The following PARG variants were observed in gnomAD, a reference collection of about 807,000 sequenced individuals.
The protein encoded by PARG is mitochondrial poly(ADP-ribose) glycohydrolase.
A neutral mutation model predicts 113.0 loss-of-function variants in PARG; 35 were observed. That is an observed-to-expected ratio of 0.31 (90% CI 0.24 to 0.41). The LOEUF (loss-of-function observed/expected upper bound fraction) is 0.41, where lower values mean the gene tolerates loss of function less well. PARG is among the 10% of genes least tolerant of loss of function. The probability of loss-of-function intolerance (pLI) is 1.00; values close to 1 mark genes in which losing one functional copy is unlikely to be tolerated. For missense variants in PARG, 797 were observed against 1,169.4 expected, an observed-to-expected ratio of 0.68 and a Z score of 4.64; for synonymous variants, 330 against 409.9, an observed-to-expected ratio of 0.81 and a Z score of 2.36.
rs531341212 is a variant in PARG, at chr10:49,904,816, T to C, written c.1737+11101A>G. Among the ~76,000 whole-genome samples, 10 of 152,202 alleles carry C rather than the reference T, an allele frequency of 6.6e-5. No individual in the cohort carries two copies. In the South Asian group the frequency reaches 1.7e-3, roughly 25 times the overall value. ...CTGTAATCCCAGCTACTCAGGAGGCTGAGGCAGGAGAATCGCTTGAACCCA... is the reference window on the plus strand; with the variant it reads ...CTGTAATCCCAGCTACTCAGGAGGCCGAGGCAGGAGAATCGCTTGAACCCA... On this transcript the variant is annotated intron_variant, in intron 7 of 17. Transcript: ENST00000616448.
chr10:49,834,140 T>C lies in PARG; in HGVS notation c.2542-1232A>G, dbSNP rs140805004. On this transcript the variant is annotated intron_variant, in intron 15 of 17. Coordinates refer to ENST00000616448, the MANE Select transcript of PARG (RefSeq NM_003631.5). Reference sequence around the variant, plus strand: ...CAAATTACCTGCATAGTCAGATGCATGGAGCTTCTGAAAATCTCTTTCAGG... The same window carrying C: ...CAAATTACCTGCATAGTCAGATGCACGGAGCTTCTGAAAATCTCTTTCAGG... 7.2e-4 allele frequency among the ~76,000 whole-genome samples: 110 copies of C among 152,318 alleles called. No individual in the cohort carries two copies. In the Middle Eastern group the frequency reaches 0.017, roughly 24 times the overall value.
At chr10:49,916,069 T>G (rs1837456281) in intron 6 of PARG, 78 bp from the exon 7 acceptor site, 1 of 755,294 alleles carries the variant, frequency 1.3e-6, no homozygotes, top group African/African-American at 1.7e-5. Flanking sequence ...CTCTTATGAA[T>G]TACCTCCAGT....
intron 6 of PARG, among the ~76,000 whole-genome samples, chr10:49,917,709 T>C (rs1234835848): frequency 7.4e-5 from 11 of 148,828 alleles, no homozygotes; most frequent in African/African-American, 2.7e-4. Flanking sequence ...CTCAGCTACA[T>C]GAGGGTGCTG....
At chr10:49,917,148 G>A (rs1554847878) in intron 6 of PARG, among the ~76,000 whole-genome samples, 1 of 152,096 alleles carries the variant, frequency 6.6e-6, no homozygotes, top group Non-Finnish European at 1.5e-5. Flanking sequence ...GAGTGAAAGA[G>A]TCTTTATTTT....
At chr10:49,914,392 A>G (rs1336858856) in intron 7 of PARG, among the ~76,000 whole-genome samples, 11 of 152,238 alleles carry the variant, frequency 7.2e-5, no homozygotes, top group Non-Finnish European at 1.3e-4. Context: ...ATTCAAGGAT[A>G]TCTGAGATAT....
chr10:49,836,542 T>A (rs988594721), intron 15 of PARG, among the ~76,000 whole-genome samples: 1 of 152,142 alleles, frequency 6.6e-6, no homozygotes, highest in Admixed American at 6.5e-5. Flanking sequence ...TCCTGATGTA[T>A]AAAATCCAAG....
At chr10:49,886,987 T>C (rs1847524235) in intron 7 of PARG, among the ~76,000 whole-genome samples, 1 of 152,212 alleles carries the variant, frequency 6.6e-6, no homozygotes, top group African/African-American at 2.4e-5. Flanking sequence ...TGTATGAAAA[T>C]GTATAAAATA....
chr10:49,913,666 G>A (rs1266995887), intron 7 of PARG, among the ~76,000 whole-genome samples: 1 of 152,172 alleles, frequency 6.6e-6, no homozygotes, highest in African/African-American at 2.4e-5. Flanking sequence ...ACTTTGGGAG[G>A]CCGAGTTGGG....
chr10:49,878,133 C>G lies in PARG; in HGVS notation c.1988+1540G>C, dbSNP rs1847035483. Among the ~76,000 whole-genome samples the G allele has an allele frequency of 2.0e-5, 3 of 150,496 alleles. No homozygotes were observed. The South Asian group carries it at 6.5e-4, about 32-fold the overall frequency. ...CTCCCAAAAATGCATGACCTCATTC[C>G]AATCCTGAAAAAACATCAGCCAAAC... On this transcript the variant is annotated intron_variant, in intron 9 of 17. Coordinates refer to ENST00000616448, the MANE Select transcript of PARG (RefSeq NM_003631.5).
At chr10:49,930,557 T>G (rs1420769197) in intron 4 of PARG, among the ~76,000 whole-genome samples, 2 of 152,326 alleles carry the variant, frequency 1.3e-5, no homozygotes, top group Non-Finnish European at 2.9e-5. Flanking sequence ...AGGCACTGTT[T>G]TCCATTTCTA....
At chr10:49,830,413 C>A (rs936757613) in intron 16 of PARG, among the ~76,000 whole-genome samples, 1 of 152,150 alleles carries the variant, frequency 6.6e-6, no homozygotes, top group Non-Finnish European at 1.5e-5. Flanking sequence ...AGGTGAAAGT[C>A]TTTAGCATAA....
At chr10:49,824,934 C>A (rs1844278132) in intron 16 of PARG, among the ~76,000 whole-genome samples, 1 of 152,092 alleles carries the variant, frequency 6.6e-6, no homozygotes, top group African/African-American at 2.4e-5. Flanking sequence ...CTGGTCAACT[C>A]CAAGCAGACC....
chr10:49,853,302 C>T (rs1307739057), intron 13 of PARG, among the ~76,000 whole-genome samples: 70 of 151,906 alleles, frequency 4.6e-4, no homozygotes, highest in African/African-American at 1.5e-3. Context: ...TCCCAAAGTG[C>T]TGGGATTACA....
Position 49,941,535 on chromosome 10 carries a change from T to C in PARG, c.191A>G (p.Gln64Arg). Residue 64 changes from glutamine to arginine, a missense_variant, in exon 1 of 18, where the codon CAG becomes CGG. Gln to Arg is a conservative substitution (Grantham distance 43). Around this residue, in one of 5 missense-constraint regions of PARG, gnomAD observed 284 missense variants for 306.1 expected, o/e 0.93. Transcript: ENST00000616448. The stretch of plus-strand genomic sequence containing the variant: ...AAGCGAGGTGGCGCTGCCTCTGTGC[T>C]GTCCCGCCCGCCCTGGGACGCAGGC... ...SPACVPGRAG[Q>R]HRGSATSLVF... 4 of 1,557,880 alleles carry C rather than the reference T, an allele frequency of 2.6e-6. No homozygotes were observed. In the South Asian group the frequency reaches 4.7e-5, roughly 18 times the overall value.
Position 49,842,019 on chromosome 10 carries a change from G to C in PARG, c.2472C>G (p.Ile824Met), listed in dbSNP as rs35895637. 2.3e-5 allele frequency: 35 copies of C among 1,550,280 alleles called. No homozygotes were observed. In the African/African-American group the frequency reaches 3.1e-4, roughly 14 times the overall value. ...GGTAGCGTCTGAAGTGAAGAGCATC[G>C]ATGGCAACGATCTCAGTGCAGCGCC... ...WQRRCTEIVA[I>M]DALHFRRYLD... is the part of the protein sequence containing the mutation. Residue 824 changes from isoleucine to methionine, a missense_variant, in exon 15 of 18, where the codon ATC becomes ATG. Physicochemically the swap from Ile to Met is conservative, Grantham distance 10 (BLOSUM62 1). Coordinates refer to ENST00000616448, the MANE Select transcript of PARG (RefSeq NM_003631.5).
At chr10:49,922,296 C>A (rs1419356360) in intron 6 of PARG, 40 bp downstream of exon 6, 11 of 1,569,400 alleles carry the variant, frequency 7.0e-6, no homozygotes, top group Non-Finnish European at 8.6e-6. Flanking sequence ...AGAGGAGACA[C>A]AGGGCCCATA....
At chr10:49,844,821 G>A (rs189001777) in intron 13 of PARG, among the ~76,000 whole-genome samples, 2 of 152,158 alleles carry the variant, frequency 1.3e-5, no homozygotes, top group African/African-American at 4.8e-5. Flanking sequence ...GTTTAGACAA[G>A]ACTGGAGAAA....
chr10:49,894,887 T>A (rs1490991808), intron 7 of PARG, among the ~76,000 whole-genome samples: 3 of 152,232 alleles, frequency 2.0e-5, no homozygotes, highest in African/African-American at 7.2e-5. Flanking sequence ...TCACGCTCCC[T>A]ATGAAGGCTC....
rs1388435230 is a variant in PARG at position 49,874,619 on chromosome 10, C to T, written c.1988+5054G>A. 7.0e-4 allele frequency among the ~76,000 whole-genome samples: 105 copies of T among 150,390 alleles called. No homozygotes were observed. The East Asian group carries it at 8.1e-3, about 12-fold the overall frequency. On this transcript the variant is annotated intron_variant, in intron 9 of 17. Transcript: ENST00000616448. ...CCTGTAATCCCAGCACTTTGGGAGG[C>T]CAAGGCTGGTGGATCACGAGTTCAG...
Sources: gnomAD v4.1 joint callset for allele counts (sites outside exome capture counted in the v4.1 genomes callset) on GRCh38, gnomAD v4.1.1 for gene constraint, gnomAD v4.1.1 regional missense constraint, MANE v1.5 for transcripts, NCBI Gene and HGNC (gene_info 2026-07-23, HGNC 2026-07-21) for gene names.